Variants in TK2 observed in about 807,000 individuals in gnomAD.
TK2 encodes thymidine kinase 2.
In TK2, 35 loss-of-function variants were observed where a neutral mutation model predicts 41.9. That is an observed-to-expected ratio of 0.84 (90% CI 0.64 to 1.11). TK2 has a LOEUF of 1.11. Among genes scored for constraint, TK2 ranks in the 50% least tolerant of loss-of-function variants. The pLI is 0.00. For missense variants in TK2, 320 were observed against 351.1 expected (o/e 0.91, Z 0.71); for synonymous variants, 128 against 129.1 (o/e 0.99, Z 0.06).
chr16:66,525,499 T>C (rs1964904468), intron 6 of TK2, among the ~76,000 whole-genome samples: 1 of 152,158 alleles, frequency 6.6e-6, no homozygotes, highest in African/African-American at 2.4e-5. Context: ...TCTGGGAGGA[T>C]GAGGAAGCAG....
At position 66,511,809 on chromosome 16, in the gene TK2, C is replaced by G. The variant is rs1467536265; in HGVS notation, c.*159G>C. The G allele has an allele frequency of 8.6e-6, 6 of 700,924 alleles. No homozygotes were observed. The highest frequency in any genetic ancestry group is 8.3e-5 in the Admixed American group (4 of 48,470). 43.4% of individuals were successfully genotyped at this position (700,924 alleles called of 1,614,324 possible). On this transcript the variant is annotated 3_prime_UTR_variant, in exon 10 of 10. Coordinates refer to ENST00000544898, the MANE Select transcript of TK2 (RefSeq NM_004614.5). ...GTCATTTACCCACGAGGGCCAGAGACGCATGACAAAGACACTAGCAAAGGA... is the reference window on the plus strand; with the variant it reads ...GTCATTTACCCACGAGGGCCAGAGAGGCATGACAAAGACACTAGCAAAGGA...
intron 2 of TK2, among the ~76,000 whole-genome samples, chr16:66,543,061 A>G (rs937402374): frequency 3.3e-5 from 5 of 152,052 alleles, no homozygotes; most frequent in African/African-American, 1.2e-4. Flanking sequence ...TTTAGTAGAG[A>G]CATGGTTTCA....
upstream of TK2, chr16:66,550,274 A>T: frequency 6.3e-7 from 1 of 1,588,698 alleles, no homozygotes; most frequent in Non-Finnish European, 8.5e-7. Context: ...CGCTGGCAGA[A>T]CGCACCCATA....
intron 1 of TK2, 165 bp downstream of exon 1, chr16:66,549,773 G>T: frequency 1.6e-6 from 2 of 1,279,288 alleles, no homozygotes; most frequent in Non-Finnish European, 9.8e-7. Context: ...GCGGTCTCGC[G>T]CCCGGGTAAC....
chr16:66,518,237 T>C (rs761040459), intron 6 of TK2: 3 of 328,656 alleles, frequency 9.1e-6, no homozygotes, highest in Non-Finnish European at 1.8e-5. Context: ...TCTAGAAATT[T>C]ATTTTGTGGA....
intron 3 of TK2, among the ~76,000 whole-genome samples, chr16:66,538,242 G>A (rs544126376): frequency 6.6e-6 from 1 of 152,238 alleles, no homozygotes; most frequent in South Asian, 2.1e-4. Context: ...GATACTCTGT[G>A]TCTTTGCTTA....
Sources: gnomAD v4.1 joint callset for allele counts (sites outside exome capture counted in the v4.1 genomes callset) on GRCh38, gnomAD v4.1.1 for gene constraint, MANE v1.5 for transcripts, NCBI Gene and HGNC (gene_info 2026-07-23, HGNC 2026-07-21) for gene names.